Variants in ARID2 observed in about 807,000 individuals in gnomAD.
ARID2 encodes AT-rich interaction domain 2, also known as AT-rich interactive domain-containing protein 2.
Under a neutral mutation model 184.6 loss-of-function variants are expected in ARID2, and 32 were observed. That is an observed-to-expected ratio of 0.17 (90% confidence interval 0.13 to 0.23). ARID2 has a LOEUF of 0.23. ARID2 is among the 10% of genes least tolerant of loss of function. The probability of loss-of-function intolerance (pLI) is 1.00; values close to 1 mark genes in which losing one functional copy is unlikely to be tolerated. For missense variants in ARID2, 1,696 were observed against 2,197.6 expected (o/e 0.77, Z 4.56); for synonymous variants, 836 against 772.6 (o/e 1.08, Z -1.36).
chr12:45,756,757 T>TG (rs746759842), intron 3 of ARID2, among the ~76,000 whole-genome samples: 13 of 152,138 alleles, frequency 8.5e-5, no homozygotes, highest in Non-Finnish European at 1.6e-4. Flanking sequence ...GCTTGAGCTA[T>TG]GTGTGGTGGC....
intron 3 of ARID2, among the ~76,000 whole-genome samples, chr12:45,766,804 G>A (rs905386724): frequency 4.6e-5 from 7 of 152,120 alleles, no homozygotes; most frequent in Non-Finnish European, 1.0e-4. Context: ...GTGAGCCACC[G>A]CGCCCAGCCG....
chr12:45,787,779 T>C (rs1309106263), intron 3 of ARID2, among the ~76,000 whole-genome samples: 3 of 152,132 alleles, frequency 2.0e-5, no homozygotes, highest in African/African-American at 4.8e-5. Flanking sequence ...TATATTAATA[T>C]AGGGATCCTT....
intron 16 of ARID2, among the ~76,000 whole-genome samples, chr12:45,889,726 T>G (rs983585194): frequency 6.6e-6 from 1 of 152,170 alleles, no homozygotes; most frequent in African/African-American, 2.4e-5. Flanking sequence ...GATCACAAGG[T>G]CAGGAGTTCG....
rs1216681621 is a variant in ARID2 at position 45,850,454 on chromosome 12, A to G, written c.2331A>G (p.Thr777=). 1.2e-6 allele frequency: 2 copies of G among 1,613,918 alleles called. No individual in the cohort carries two copies. The highest frequency in any genetic ancestry group is 1.7e-6 in the Non-Finnish European group (2 of 1,179,970). The change falls in exon 15 of 21, where the codon ACA becomes ACG. Residue 777 remains threonine (T), a synonymous_variant. Coordinates refer to ENST00000334344, the MANE Select transcript of ARID2 (RefSeq NM_152641.4). ...TTCCACAGCAGTCTCCATTACACAC[A>G]GTGGTACCAGGACAGATCCCTTCAG... ...SVIPQQSPLH[T]VVPGQIPSGT...
chr12:45,772,522 A>G (rs1179280749), intron 3 of ARID2, among the ~76,000 whole-genome samples: 1 of 152,232 alleles, frequency 6.6e-6, no homozygotes, highest in Non-Finnish European at 1.5e-5. Flanking sequence ...TTCAGATTCA[A>G]ATATATGGAT....
At position 45,905,584 on chromosome 12, in the gene ARID2, A is replaced by G. The variant is rs2136473542; in HGVS notation, c.*506A>G. The G allele has an allele frequency of 8.6e-6, 2 of 233,240 alleles. No homozygotes were observed. The highest frequency in any genetic ancestry group is 1.7e-5 in the Non-Finnish European group (2 of 117,784). 14.4% of individuals were successfully genotyped at this position (233,240 alleles called of 1,614,324 possible). A position where few individuals can be genotyped will look rare whatever the true frequency, so the allele number is the denominator to read the frequency against. On this transcript the variant is annotated 3_prime_UTR_variant, in exon 21 of 21. Transcript: ENST00000334344. ...CAGAGGGGGCCACCAATATCTAGCT[A>G]TGGATCGTGTGTTTTGTTTAGAAAT... is the stretch of plus-strand genomic sequence containing the variant.
intron 3 of ARID2, among the ~76,000 whole-genome samples, chr12:45,769,989 T>C (rs1203852192): frequency 6.6e-6 from 1 of 152,126 alleles, no homozygotes; most frequent in East Asian, 1.9e-4. Context: ...GCGCGGTGGC[T>C]CACACCTGTA....
At position 45,853,018 on chromosome 12, in the gene ARID2, T is replaced by C. The variant is rs1943585614; in HGVS notation, c.4773+122T>C. ...AAGTTACTGTATCAGCTCACTTGTA[T>C]CCAACCTGTCCTTTTCTTTTTCTCT... On this transcript the variant is annotated intron_variant, in intron 15 of 20. Coordinates refer to ENST00000334344, the MANE Select transcript of ARID2 (RefSeq NM_152641.4). 4 of 1,336,152 alleles carry C rather than the reference T, an allele frequency of 3.0e-6. No homozygotes were observed. In the South Asian group the frequency reaches 8.4e-5, roughly 28 times the overall value. 82.8% of individuals were successfully genotyped at this position (1,336,152 alleles called of 1,614,324 possible). A position where few individuals can be genotyped will look rare whatever the true frequency, so the allele number is the denominator to read the frequency against.
intron 16 of ARID2, chr12:45,882,391 A>G (rs1944120713): frequency 6.6e-6 from 1 of 152,234 alleles, no homozygotes; most frequent in Admixed American, 6.5e-5. Context: ...CTGATAGAAA[A>G]TTACTGAAAA....
Position 45,821,403 on chromosome 12 carries a change from A to G in ARID2, c.638-17A>G. On this transcript the variant is annotated splice_polypyrimidine_tract_variant and intron_variant, in intron 5 of 20. Transcript: ENST00000334344. ...TTGCATTTTATTGAATGTACTATTT[A>G]TTTATTTGTTTTTTAGCTTTAGGAT... 1 of 1,444,326 alleles carries G rather than the reference A, an allele frequency of 6.9e-7. No homozygotes were observed. The highest frequency in any genetic ancestry group is 9.3e-7 in the Non-Finnish European group (1 of 1,075,954). The allele number at this position is 1,444,326 out of a possible 1,614,324, so 89.5% of individuals were successfully genotyped here. A position where few individuals can be genotyped will look rare whatever the true frequency, so the allele number is the denominator to read the frequency against.
intron 16 of ARID2, among the ~76,000 whole-genome samples, chr12:45,871,471 A>G (rs1943924684): frequency 6.6e-6 from 1 of 152,110 alleles, no homozygotes; most frequent in African/African-American, 2.4e-5. Flanking sequence ...TTGTCATGGC[A>G]TATATTTCTT....
chr12:45,789,862 A>T (rs1942263652), intron 3 of ARID2, among the ~76,000 whole-genome samples: 1 of 152,152 alleles, frequency 6.6e-6, no homozygotes, highest in South Asian at 2.1e-4. Context: ...TATGTCTGTA[A>T]TCCTAGCACT....
chr12:45,868,793 C>CT (rs1943870549), intron 16 of ARID2, among the ~76,000 whole-genome samples: 1 of 152,164 alleles, frequency 6.6e-6, no homozygotes, highest in Non-Finnish European at 1.5e-5. Context: ...TTCTGGATCA[C>CT]TTGTTATCCC....
chr12:45,836,923 T>A lies in ARID2; in HGVS notation c.955T>A (p.Ser319Thr). The change falls in exon 8 of 21, where the codon TCT becomes ACT. Residue 319 changes from serine (S) to threonine (T), a missense_variant. By Grantham distance (58) the Ser-to-Thr change is moderately conservative. Coordinates refer to ENST00000334344, the MANE Select transcript of ARID2 (RefSeq NM_152641.4). ...NRTCLRFLLL[S>T]AHSHFISLRQ... Reference sequence around the variant, plus strand: ...TACCTGTCTTCGTTTCCTATTACTTTCTGCACATAGTCATTTTATTTCTTT... The same window carrying A: ...TACCTGTCTTCGTTTCCTATTACTTACTGCACATAGTCATTTTATTTCTTT... 1 of 1,614,142 alleles carries A rather than the reference T, an allele frequency of 6.2e-7. No individual in the cohort carries two copies.
intron 3 of ARID2, among the ~76,000 whole-genome samples, chr12:45,743,655 GA>G (rs542357803): frequency 2.1e-4 from 31 of 150,438 alleles, no homozygotes; most frequent in African/African-American, 6.1e-4. Context: ...TCTAGTTCCA[GA>G]AAAAAAAAGC....
chr12:45,775,771 TTAAA>T (rs1354464712), intron 3 of ARID2, among the ~76,000 whole-genome samples: 5 of 152,234 alleles, frequency 3.3e-5, no homozygotes, highest in African/African-American at 1.2e-4. Flanking sequence ...AGAATTTAGT[TTAAA>T]TATATTAAGG....
intron 3 of ARID2, among the ~76,000 whole-genome samples, chr12:45,736,064 A>G (rs1317513871): frequency 2.0e-5 from 3 of 152,246 alleles, no homozygotes; most frequent in African/African-American, 7.2e-5. Flanking sequence ...TTTGATAGAC[A>G]AGTATATTGT....
At chr12:45,879,543 G>T (rs1944067025) in intron 16 of ARID2, among the ~76,000 whole-genome samples, 1 of 152,122 alleles carries the variant, frequency 6.6e-6, no homozygotes, top group African/African-American at 2.4e-5. Flanking sequence ...GCAAGTTACG[G>T]GCTCCAGCTA....
chr12:45,814,814 A>T (rs1159552201), intron 4 of ARID2, among the ~76,000 whole-genome samples: 1 of 152,210 alleles, frequency 6.6e-6, no homozygotes, highest in Admixed American at 6.5e-5. Context: ...CCAAATGATT[A>T]TAATAAATTG....
Sources: allele counts gnomAD v4.1 joint callset (sites outside exome capture counted in the v4.1 genomes callset), GRCh38; gene constraint gnomAD v4.1.1; transcripts MANE v1.5; gene names NCBI Gene and HGNC (gene_info 2026-07-23, HGNC 2026-07-21).